Variants in ERBB2 observed in about 807,000 individuals in gnomAD.
ERBB2 encodes the protein receptor tyrosine-protein kinase erbB-2.
In ERBB2, 61 loss-of-function variants were observed where a neutral mutation model predicts 149.0. The observed-to-expected ratio is 0.41, with a 90% CI of 0.33 to 0.51. The LOEUF is 0.51. ERBB2 is among the 20% of genes least tolerant of loss of function. ERBB2 has a pLI of 0.25. For synonymous variants in ERBB2, 633 were observed against 678.8 expected, an observed-to-expected ratio of 0.93 and a Z score of 1.05; for missense variants, 1,205 against 1,655.1, an observed-to-expected ratio of 0.73 and a Z score of 4.72.
intron 3 of ERBB2, 126 bp from the exon 4 acceptor site, chr17:39,709,192 C>T (rs2058647671): frequency 4.5e-6 from 5 of 1,103,488 alleles, no homozygotes; most frequent in Non-Finnish European, 6.6e-6. Flanking sequence ...ATAGCTTTCT[C>T]TCCTCCCTGG....
rs758365405 is a variant in ERBB2, at chr17:39,727,734, G to A, written c.3458G>A (p.Arg1153Gln). ...PDVRPQPPSP[R>Q]EGPLPAARPA... The stretch of plus-strand genomic sequence containing the variant: ...GTTCGGCCCCAGCCCCCTTCGCCCC[G>A]AGAGGGCCCTCTGCCTGCTGCCCGA... The change falls in exon 27 of 27, where the codon CGA becomes CAA. Residue 1153 changes from arginine (R) to glutamine (Q), a missense_variant. Arg to Gln is a conservative substitution (Grantham distance 43, BLOSUM62 1). Around this residue, in one of 6 missense-constraint regions of ERBB2, gnomAD observed 312 missense variants for 343.8 expected, o/e 0.91. Transcript: ENST00000269571. The surrounding 1 kb of genome is among the most constrained non-coding windows in gnomAD (Gnocchi z 4.3). 2.5e-5 allele frequency: 39 copies of A among 1,584,964 alleles called. No homozygotes were observed. Among genetic ancestry groups the A allele is most frequent in the Middle Eastern group, 1.7e-4 (1 of 5,880 alleles).
chr17:39,701,102 G>A (rs1343392380), intron 1 of ERBB2, among the ~76,000 whole-genome samples: 1 of 152,038 alleles, frequency 6.6e-6, no homozygotes, highest in Admixed American at 6.6e-5. Context: ...AGCCTAGGGA[G>A]GGCTGCGTTG....
At chr17:39,698,915 A>T (rs1407341543), upstream of ERBB2, among the ~76,000 whole-genome samples, 1 of 151,900 alleles carries the variant, frequency 6.6e-6, no homozygotes, top group Non-Finnish European at 1.5e-5. Context: ...ACAATGAATA[A>T]TTTGTTAGTA....
chr17:39,707,830 C>G (rs2058544040), intron 2 of ERBB2: 1 of 154,954 alleles, frequency 6.5e-6, no homozygotes, highest in East Asian at 1.9e-4. Context: ...GAAACCCCGT[C>G]TCTACTGAAA....
At position 39,723,720 on chromosome 17, in the gene ERBB2, G is replaced by A. The variant is rs2145819841; in HGVS notation, c.2208+60G>A. 5.1e-6 allele frequency: 8 copies of A among 1,565,074 alleles called. No individual in the cohort carries two copies. Among genetic ancestry groups the A allele is most frequent in the Non-Finnish European group, 6.9e-6 (8 of 1,154,270 alleles). On this transcript the variant is annotated intron_variant, in intron 18 of 26. Coordinates refer to ENST00000269571, the MANE Select transcript of ERBB2 (RefSeq NM_004448.4). This position sits in a 1 kb window ranked among gnomAD's most constrained non-coding sequence, Gnocchi z 6.2. ...GGATGGGGGCGGTGCCTGGAGGGGT[G>A]TGGTCGGCAGTTCTGATGGGAGGGG...
rs544496444 is a variant in ERBB2 at position 39,706,856 on chromosome 17, A to T, written c.74-134A>T. ...GTTAAACCTGCAGTGTGCAAGGGAC[A>T]TGGGCGGAGGGGTCCTTCAGTCAGG... On this transcript the variant is annotated intron_variant, in intron 1 of 26. Transcript: ENST00000269571. 6.2e-5 allele frequency: 50 copies of T among 800,346 alleles called. No homozygotes were observed. The African/African-American group carries it at 8.5e-4, about 14-fold the overall frequency. 49.6% of individuals were successfully genotyped at this position (800,346 alleles called of 1,614,324 possible).
intron 2 of ERBB2, 133 bp from the exon 3 acceptor site, chr17:39,708,188 T>C (rs2058571352): frequency 1.6e-6 from 1 of 618,038 alleles, no homozygotes; most frequent in East Asian, 2.8e-5. Flanking sequence ...TTTTATCGTT[T>C]TATTTAAGCG....
In ERBB2 at chr17:39,715,377, A is replaced by T. The variant is rs1461379114; in HGVS notation, c.1222+18A>T. 6.2e-7 allele frequency: 1 copy of T among 1,613,812 alleles called. No individual in the cohort carries two copies. Among genetic ancestry groups the T allele is most frequent in the East Asian group, 2.2e-5 (1 of 44,886 alleles). On this transcript the variant is annotated intron_variant, in intron 10 of 26. Coordinates refer to ENST00000269571, the MANE Select transcript of ERBB2 (RefSeq NM_004448.4). Reference sequence around the variant, plus strand: ...GATCACAGGTGGGCTCTGTCTCTGCATCCTGTTCTGCAGGGGCTGGGAGTC... The same window carrying T: ...GATCACAGGTGGGCTCTGTCTCTGCTTCCTGTTCTGCAGGGGCTGGGAGTC...
rs2145808634 is a variant in ERBB2, at chr17:39,723,478, C to A, written c.2085+21C>A. 3.7e-6 allele frequency: 6 copies of A among 1,613,980 alleles called. No individual in the cohort carries two copies. Among genetic ancestry groups the A allele is most frequent in the Non-Finnish European group, 5.1e-6 (6 of 1,179,952 alleles). On this transcript the variant is annotated intron_variant, in intron 17 of 26. Coordinates refer to ENST00000269571, the MANE Select transcript of ERBB2 (RefSeq NM_004448.4). The surrounding 1 kb of genome is among the most constrained non-coding windows in gnomAD (Gnocchi z 6.2). Reference sequence around the variant, plus strand: ...CGGAGGTGAGGCGGGGTGAAGTCCTCCCAGCCCGCGTGGGGTCTGCACCGG... The same window carrying A: ...CGGAGGTGAGGCGGGGTGAAGTCCTACCAGCCCGCGTGGGGTCTGCACCGG...
Position 39,723,170 on chromosome 17 carries a change from G to GT in ERBB2, c.1947-145dup, listed in dbSNP as rs1304270292. The stretch of plus-strand genomic sequence containing the variant: ...TGGAGGCAGCGGGGAGCCAAGGCAG[G>GT]TTTTAGAGTAGGAGAGGGTCCAAGC... On this transcript the variant is annotated intron_variant, in intron 16 of 26. Coordinates refer to ENST00000269571, the MANE Select transcript of ERBB2 (RefSeq NM_004448.4). The surrounding 1 kb of genome is among the most constrained non-coding windows in gnomAD (Gnocchi z 6.2). 2.6e-6 allele frequency: 2 copies of GT among 778,970 alleles called. No individual in the cohort carries two copies. The highest frequency in any genetic ancestry group is 3.5e-5 in the African/African-American group (2 of 57,264). 48.3% of individuals were successfully genotyped at this position (778,970 alleles called of 1,614,324 possible). A position where few individuals can be genotyped will look rare whatever the true frequency, so the allele number is the denominator to read the frequency against.
intron 1 of ERBB2, among the ~76,000 whole-genome samples, chr17:39,703,849 G>C (rs1481833246): frequency 6.6e-6 from 1 of 152,244 alleles, no homozygotes; most frequent in Non-Finnish European, 1.5e-5. Context: ...GGAGAGCTGA[G>C]CTTTGGGGAC....
In ERBB2 at chr17:39,708,313, C is replaced by G; in HGVS notation, c.226-8C>G. The G allele has an allele frequency of 6.2e-7, 1 of 1,610,612 alleles. No homozygotes were observed. The highest frequency in any genetic ancestry group is 1.1e-5 in the South Asian group (1 of 90,956). On this transcript the variant is annotated splice_region_variant and splice_polypyrimidine_tract_variant and intron_variant, in intron 2 of 26. Transcript: ENST00000269571. ...CTATTTCAGCCCCACTCTGCTTCCC[C>G]CTCCCAGGATATCCAGGAGGTGCAG...
chr17:39,710,184 A>G lies in ERBB2; in HGVS notation c.742A>G (p.Lys248Glu). Residue 248 changes from lysine (K) to glutamate (E), a missense_variant, in exon 6 of 27, where the codon AAG becomes GAG. By Grantham distance (56) the Lys-to-Glu change is moderately conservative (BLOSUM62 1). Transcript: ENST00000269571. Reference sequence around the variant, plus strand: ...GTGTGCTGCCGGCTGCACGGGCCCCAAGCACTCTGACTGCCTGGTATGTGC... The same window carrying G: ...GTGTGCTGCCGGCTGCACGGGCCCCGAGCACTCTGACTGCCTGGTATGTGC... ...EQCAAGCTGP[K>E]HSDCLACLHF... 6.2e-7 allele frequency: 1 copy of G among 1,612,886 alleles called. No individual in the cohort carries two copies. The highest frequency in any genetic ancestry group is 8.5e-7 in the Non-Finnish European group (1 of 1,179,666).
At position 39,725,505 on chromosome 17, in the gene ERBB2, G is replaced by T; in HGVS notation, c.2725+103G>T. The T allele has an allele frequency of 7.6e-7, 1 of 1,311,450 alleles. No homozygotes were observed. The highest frequency in any genetic ancestry group is 1.8e-5 in the Admixed American group (1 of 54,362). The allele number at this position is 1,311,450 out of a possible 1,614,324, so 81.2% of individuals were successfully genotyped here. ...TTACGGGGCCACCTCAGCATGTGAA[G>T]GGAGGGAAGGGGCTGCCTGTGCCCC... is the stretch of plus-strand genomic sequence containing the variant. On this transcript the variant is annotated intron_variant, in intron 22 of 26. Coordinates refer to ENST00000269571, the MANE Select transcript of ERBB2 (RefSeq NM_004448.4). This position sits in a 1 kb window ranked among gnomAD's most constrained non-coding sequence, Gnocchi z 4.6.
chr17:39,698,702 T>C (rs913986968), upstream of ERBB2, among the ~76,000 whole-genome samples: 11 of 152,072 alleles, frequency 7.2e-5, no homozygotes, highest in African/African-American at 2.7e-4. Flanking sequence ...AATGCAAGTG[T>C]ATACCTGTAA....
Position 39,728,182 on chromosome 17 carries a change from G to C in ERBB2, c.*138G>C. 1.6e-6 allele frequency: 1 copy of C among 620,970 alleles called. No homozygotes were observed. Among genetic ancestry groups the C allele is most frequent in the South Asian group, 2.3e-5 (1 of 43,546 alleles). The allele number at this position is 620,970 out of a possible 1,614,324, so 38.5% of individuals were successfully genotyped here. On this transcript the variant is annotated 3_prime_UTR_variant, in exon 27 of 27. Transcript: ENST00000269571. ...TGCCATGCCAGGAACCTGTCCTAAG[G>C]AACCTTCCTTCCTGCTTGAGTTCCC...
chr17:39,694,262 T>TATATATATATACAC (rs1597842228), upstream of ERBB2, among the ~76,000 whole-genome samples: 5 of 28,900 alleles, frequency 1.7e-4, no homozygotes, highest in Non-Finnish European at 2.3e-4. Flanking sequence ...TATATATATA[T>TATATATATATACAC]ATATATGTGT....
chr17:39,700,728 G>C (rs940679788), intron 1 of ERBB2, among the ~76,000 whole-genome samples: 3 of 152,026 alleles, frequency 2.0e-5, no homozygotes, highest in Non-Finnish European at 4.4e-5. Flanking sequence ...TGGATTCCTT[G>C]GGGGGGTCCT....
chr17:39,710,626 G>T lies in ERBB2; in HGVS notation c.901+145G>T, dbSNP rs1183100329. 3.0e-6 allele frequency: 3 copies of T among 1,014,706 alleles called. No homozygotes were observed. In the South Asian group the frequency reaches 4.7e-5, roughly 16 times the overall value. 62.9% of individuals were successfully genotyped at this position (1,014,706 alleles called of 1,614,324 possible). A position where few individuals can be genotyped will look rare whatever the true frequency, so the allele number is the denominator to read the frequency against. Reference sequence around the variant, plus strand: ...GCCGAGCTGCCTTGTTCTTTCAACAGCTGTGGAGCAGGTGGCAGTAAGGAG... The same window carrying T: ...GCCGAGCTGCCTTGTTCTTTCAACATCTGTGGAGCAGGTGGCAGTAAGGAG... On this transcript the variant is annotated intron_variant, in intron 7 of 26. Transcript: ENST00000269571.
Sources: allele counts gnomAD v4.1 joint callset (sites outside exome capture counted in the v4.1 genomes callset), GRCh38; gene constraint gnomAD v4.1.1; regional missense constraint gnomAD v4.1.1; non-coding constraint Gnocchi (gnomAD v3.1); transcripts MANE v1.5; gene names NCBI Gene and HGNC (gene_info 2026-07-23, HGNC 2026-07-21).